FHIT: variants seen among roughly 807,000 people sequenced by gnomAD.
FHIT encodes the protein fragile histidine triad diadenosine triphosphatase.
A neutral mutation model predicts 17.9 loss-of-function variants in FHIT; 19 were observed. That is an observed-to-expected ratio of 1.06 (90% CI 0.74 to 1.56). FHIT has a LOEUF of 1.56. Ranked by LOEUF, FHIT falls within the 40% of genes most tolerant of loss-of-function variation. The pLI is 0.00. For synonymous variants in FHIT, 81 were observed against 69.7 expected (o/e 1.16, Z -0.81); for missense variants, 248 against 189.2 (o/e 1.31, Z -1.82).
chr3:61,074,784 A>G (rs1422523158), intron 2 of FHIT, among the ~76,000 whole-genome samples: 1 of 152,160 alleles, frequency 6.6e-6, no homozygotes, highest in African/African-American at 2.4e-5. Flanking sequence ...GGTTAAGAGG[A>G]CTGAGTGTTT....
chr3:60,546,723 C>G (rs2036377575), intron 4 of FHIT, among the ~76,000 whole-genome samples: 1 of 152,122 alleles, frequency 6.6e-6, no homozygotes, highest in Admixed American at 6.5e-5. Flanking sequence ...TAAAGAGTCT[C>G]AGCTCTGCCA....
chr3:59,929,376 T>G (rs1224185271), intron 7 of FHIT, among the ~76,000 whole-genome samples: 4 of 137,484 alleles, frequency 2.9e-5, no homozygotes, highest in Non-Finnish European at 3.1e-5. Flanking sequence ...TTTTTTTTTT[T>G]TTTTTTTTTT....
At chr3:61,156,561 G>A (rs1477655344) in intron 2 of FHIT, among the ~76,000 whole-genome samples, 1 of 151,720 alleles carries the variant, frequency 6.6e-6, no homozygotes, top group Non-Finnish European at 1.5e-5. Context: ...ACCTAGCATG[G>A]TACACATGGT....
intron 4 of FHIT, among the ~76,000 whole-genome samples, chr3:60,773,163 A>G (rs1301167901): frequency 2.0e-5 from 3 of 152,212 alleles, no homozygotes; most frequent in Admixed American, 6.5e-5. Flanking sequence ...TCAAGGCTGC[A>G]AAGAGTCAGA....
chr3:60,169,870 G>T (rs149883642), intron 5 of FHIT, among the ~76,000 whole-genome samples: 136 of 152,272 alleles, frequency 8.9e-4, no homozygotes, highest in African/African-American at 3.0e-3. Context: ...AATAAAAATG[G>T]AAGCAAAGCT....
rs535129992 is a variant in FHIT at position 60,490,428 on chromosome 3, A to C, written c.103+46432T>G. Among the ~76,000 whole-genome samples the C allele has an allele frequency of 6.6e-5, 10 of 152,176 alleles. No individual in the cohort carries two copies. In the East Asian group the frequency reaches 1.9e-3, roughly 29 times the overall value. ...GCTAGACATTCCATTTTGCTTTTTAAAAAATATATAACAACCTATTATTTA... is the reference window on the plus strand; with the variant it reads ...GCTAGACATTCCATTTTGCTTTTTACAAAATATATAACAACCTATTATTTA... On this transcript the variant is annotated intron_variant, in intron 5 of 9. Coordinates refer to ENST00000492590, the MANE Select transcript of FHIT (RefSeq NM_002012.4).
intron 4 of FHIT, among the ~76,000 whole-genome samples, chr3:60,754,811 T>C (rs1439263917): frequency 2.6e-5 from 4 of 152,152 alleles, no homozygotes; most frequent in African/African-American, 9.7e-5. Flanking sequence ...GATGAATTCA[T>C]AGAATTCATA....
At chr3:59,799,011 A>G (rs528396000) in intron 8 of FHIT, among the ~76,000 whole-genome samples, 1 of 152,328 alleles carries the variant, frequency 6.6e-6, no homozygotes, top group African/African-American at 2.4e-5. Flanking sequence ...AGACATGCTG[A>G]ATCTAAACAA....
chr3:61,153,050 G>A (rs2037439018), intron 2 of FHIT, among the ~76,000 whole-genome samples: 1 of 151,864 alleles, frequency 6.6e-6, no homozygotes, highest in Non-Finnish European at 1.5e-5. Context: ...GGCTGAGGCA[G>A]GTGAATTGCT....
intron 3 of FHIT, among the ~76,000 whole-genome samples, chr3:60,954,326 C>T (rs1293719889): frequency 2.0e-5 from 3 of 152,150 alleles, no homozygotes; most frequent in African/African-American, 4.8e-5. Context: ...ACACATTATT[C>T]AATTGGGATT....
chr3:60,697,579 T>C (rs1302191775), intron 4 of FHIT, among the ~76,000 whole-genome samples: 1 of 152,156 alleles, frequency 6.6e-6, no homozygotes, highest in Non-Finnish European at 1.5e-5. Flanking sequence ...TATCTGGCAA[T>C]TGTAAACCAA....
intron 4 of FHIT, among the ~76,000 whole-genome samples, chr3:60,610,310 A>G (rs188186971): frequency 3.9e-5 from 6 of 152,258 alleles, no homozygotes; most frequent in Admixed American, 3.9e-4. Context: ...ACAGTGCTTC[A>G]ATTACTGACA....
intron 4 of FHIT, among the ~76,000 whole-genome samples, chr3:60,786,900 T>C (rs1259891371): frequency 6.6e-6 from 1 of 151,842 alleles, no homozygotes. Context: ...AAACTTGTGT[T>C]TCAATTCAAT....
intron 8 of FHIT, among the ~76,000 whole-genome samples, chr3:59,807,315 G>A (rs1198188751): frequency 1.3e-5 from 2 of 152,180 alleles, no homozygotes; most frequent in African/African-American, 2.4e-5. Flanking sequence ...TAGTGAGGAA[G>A]ATGTCCTGCC....
chr3:61,093,637 A>G (rs569942132), intron 2 of FHIT, among the ~76,000 whole-genome samples: 5 of 152,348 alleles, frequency 3.3e-5, no homozygotes, highest in African/African-American at 9.6e-5. Flanking sequence ...AATTAGATTG[A>G]CAGGCATCTG....
At chr3:59,963,865 G>A (rs973556522) in intron 7 of FHIT, among the ~76,000 whole-genome samples, 1 of 152,170 alleles carries the variant, frequency 6.6e-6, no homozygotes, top group African/African-American at 2.4e-5. Flanking sequence ...CAAATTAACA[G>A]AACACAATTT....
chr3:60,298,605 T>G (rs947874583), intron 5 of FHIT, among the ~76,000 whole-genome samples: 2 of 152,218 alleles, frequency 1.3e-5, no homozygotes, highest in Admixed American at 6.5e-5. Flanking sequence ...GTTACTTTTT[T>G]GCAGATATTC....
intron 1 of FHIT, among the ~76,000 whole-genome samples, chr3:61,238,781 C>T (rs755458642): frequency 1.3e-5 from 2 of 152,212 alleles, no homozygotes; most frequent in Non-Finnish European, 2.9e-5. Context: ...CTTCTTTCCA[C>T]CAATTAAAAG....
intron 4 of FHIT, among the ~76,000 whole-genome samples, chr3:60,696,396 G>T (rs971178588): frequency 7.2e-5 from 11 of 152,134 alleles, no homozygotes; most frequent in Middle Eastern, 3.2e-3. Context: ...ACATGCAAAA[G>T]CCATGAATAT....
Sources: allele counts gnomAD v4.1 joint callset (sites outside exome capture counted in the v4.1 genomes callset), GRCh38; gene constraint gnomAD v4.1.1; transcripts MANE v1.5; gene names NCBI Gene and HGNC (gene_info 2026-07-23, HGNC 2026-07-21).